The following COL6A1 variants were observed in gnomAD, a reference collection of about 807,000 sequenced individuals.
COL6A1 encodes collagen alpha-1(VI) chain.
In COL6A1, 80 loss-of-function variants were observed where a neutral mutation model predicts 145.6. The ratio of observed to expected loss-of-function variants is 0.55; its 90% CI spans 0.46 to 0.66. COL6A1 has a LOEUF of 0.66. Ranked by LOEUF, COL6A1 falls within the 30% of genes least tolerant of loss-of-function variation. The probability of loss-of-function intolerance (pLI) is 0.00; values close to 1 mark genes in which losing one functional copy is unlikely to be tolerated. For missense variants in COL6A1, 1,364 were observed against 1,473.8 expected (o/e 0.93, Z 1.22); for synonymous variants, 638 against 622.8 (o/e 1.02, Z -0.36).
intron 29 of COL6A1, 43 bp downstream of exon 29, chr21:46,000,810 G>A (rs1556430901): frequency 8.7e-6 from 14 of 1,611,814 alleles, no homozygotes; most frequent in African/African-American, 4.0e-5. Context: ...GATCCCGGGG[G>A]TCGGGGAGCG....
At chr21:45,990,955 G>A (rs759271724) in intron 14 of COL6A1, 24 bp from the exon 15 acceptor site, 28 of 1,613,202 alleles carry the variant, frequency 1.7e-5, no homozygotes, top group Admixed American at 6.7e-5. Flanking sequence ...TGCCGGTGGT[G>A]TCATGCTGCC....
In COL6A1 at chr21:46,003,841, T is replaced by C. The variant is rs1131691418; in HGVS notation, c.2915T>C (p.Val972Ala). 6.2e-7 allele frequency: 1 copy of C among 1,602,260 alleles called. No homozygotes were observed. Among genetic ancestry groups the C allele is most frequent in the Admixed American group, 1.7e-5 (1 of 59,716 alleles). The change falls in exon 35 of 35, where the codon GTG becomes GCG. Residue 972 changes from valine to alanine, a missense_variant. Physicochemically the swap from Val to Ala is moderately conservative, Grantham distance 64. Transcript: ENST00000361866. ...CGGGCAGGCATCGAGATCTTCGTGG[T>C]GGTCGTGGGCCGCCAGGTGAATGAG... ...AQRAGIEIFVVVVGRQVNEPH... is the reference protein window; with the variant it reads ...AQRAGIEIFVAVVGRQVNEPH...
chr21:45,994,805 C>T lies in COL6A1; in HGVS notation c.1398+576C>T, dbSNP rs1003563425. 6.6e-6 allele frequency among the ~76,000 whole-genome samples: 1 copy of T among 152,324 alleles called. No homozygotes were observed. Among genetic ancestry groups the T allele is most frequent in the African/African-American group, 2.4e-5 (1 of 41,578 alleles). ...ATGGTGGCTCCAGTGTGGTGTTGCC[C>T]GCAGGCTGGGCTGGGCCGTTGCATC... On this transcript the variant is annotated intron_variant, in intron 20 of 34. Coordinates refer to ENST00000361866, the MANE Select transcript of COL6A1 (RefSeq NM_001848.3). This position sits in a 1 kb window ranked among gnomAD's most constrained non-coding sequence, Gnocchi z 6.8.
At position 45,992,208 on chromosome 21, in the gene COL6A1, G is replaced by A. The variant is rs557250335; in HGVS notation, c.1227G>A (p.Ala409=). The A allele has an allele frequency of 3.7e-5, 59 of 1,613,608 alleles. No homozygotes were observed. The highest frequency in any genetic ancestry group is 2.9e-4 in the East Asian group (13 of 44,874). ...GGCCCCCCGGAGAGAAAGGAGAGGCGGGCGACGAGGTGAGTGAGGGCTCCT... is the reference window on the plus strand; with the variant it reads ...GGCCCCCCGGAGAGAAAGGAGAGGCAGGCGACGAGGTGAGTGAGGGCTCCT... ...EPGPPGEKGE[A]GDEGNPGPDG... is the part of the protein sequence containing the mutation. The change falls in exon 17 of 35, where the codon GCG becomes GCA. Residue 409 remains alanine (A), a synonymous_variant. Coordinates refer to ENST00000361866, the MANE Select transcript of COL6A1 (RefSeq NM_001848.3).
At chr21:45,984,165 C>A in intron 2 of COL6A1, 104 bp from the exon 3 acceptor site, 1 of 1,160,154 alleles carries the variant, frequency 8.6e-7, no homozygotes, top group Non-Finnish European at 1.2e-6. Flanking sequence ...CAGCCACGGC[C>A]AGGGTGGGGC....
intron 2 of COL6A1, among the ~76,000 whole-genome samples, 171 bp downstream of exon 2, chr21:45,982,934 C>T (rs1051583160): frequency 6.6e-6 from 1 of 152,178 alleles, no homozygotes; most frequent in Non-Finnish European, 1.5e-5. Context: ...GGGCCCTTTC[C>T]GGCGCCCTCC....
intron 23 of COL6A1, 41 bp downstream of exon 23, chr21:45,998,212 C>G: frequency 6.2e-7 from 1 of 1,604,614 alleles, no homozygotes; most frequent in Non-Finnish European, 8.5e-7. Flanking sequence ...CATGCCCAAG[C>G]TGCCTGCGGC....
chr21:45,985,877 G>T (rs549930426), intron 3 of COL6A1, among the ~76,000 whole-genome samples: 256 of 152,334 alleles, frequency 1.7e-3, no homozygotes, highest in African/African-American at 6.0e-3. Flanking sequence ...GAAGTCGTCC[G>T]CTGTCTGCAG....
chr21:45,992,560 C>G (rs995605212), intron 18 of COL6A1, among the ~76,000 whole-genome samples, 162 bp downstream of exon 18: 1 of 152,246 alleles, frequency 6.6e-6, no homozygotes, highest in Non-Finnish European at 1.5e-5. Flanking sequence ...TTCCCACAGT[C>G]TCAGAGCGGG....
intron 1 of COL6A1, 39 bp downstream of exon 1, chr21:45,981,986 C>T (rs766103804): frequency 1.3e-5 from 20 of 1,497,880 alleles, no homozygotes; most frequent in Non-Finnish European, 1.7e-5. Flanking sequence ...AGACCCCCCG[C>T]TCTTTGCTGC....
rs3737437 is a variant in COL6A1 at position 45,998,061 on chromosome 21, A to G, written c.1525-60A>G. 1,379,088 of 1,594,584 alleles carry G rather than the reference A, an allele frequency of 0.86. 597,453 individuals carry two copies. The highest frequency in any genetic ancestry group is 0.96 in the African/African-American group (71,444 of 74,434). ...GGTGAGGTGCTCCCGGGCCTGTGCC[A>G]GCCAGTGGGTATCCCAGGCCAGGCC... On this transcript the variant is annotated intron_variant, in intron 22 of 34. Transcript: ENST00000361866.
rs886043354 is a variant in COL6A1, at chr21:45,987,622, CCTCCGGGG to C, written c.782_789del (p.Leu261ArgfsTer5). On this transcript the variant is annotated frameshift_variant, in exon 8 of 35. Coordinates refer to ENST00000361866, the MANE Select transcript of COL6A1 (RefSeq NM_001848.3). LOFTEE classifies it high-confidence loss of function. ...CTCTGCCTTGCAGCCTGCAAGAGGACCTCCGGGGCTCCGGGGCGACCCCGGCTTTGAGG... is the reference window on the plus strand; with the variant it reads ...CTCTGCCTTGCAGCCTGCAAGAGGACCTCCGGGGCGACCCCGGCTTTGAGG... The C allele has an allele frequency of 2.5e-6, 4 of 1,611,726 alleles. No individual in the cohort carries two copies. Among genetic ancestry groups the C allele is most frequent in the South Asian group, 1.1e-5 (1 of 90,996 alleles).
intron 3 of COL6A1, among the ~76,000 whole-genome samples, chr21:45,985,313 CAG>C (rs915078363): frequency 3.4e-5 from 5 of 148,890 alleles, no homozygotes; most frequent in Non-Finnish European, 7.4e-5. Context: ...GAGAGGGAGA[CAG>C]AGAGATAGAA....
chr21:45,989,515 G>T, intron 9 of COL6A1, 93 bp from the exon 10 acceptor site: 2 of 1,326,122 alleles, frequency 1.5e-6, no homozygotes, highest in African/African-American at 2.9e-5. Context: ...GCCTGACCAG[G>T]CCTGGGCTGG....
intron 2 of COL6A1, 38 bp from the exon 3 acceptor site, chr21:45,984,231 G>A: frequency 6.4e-7 from 1 of 1,566,422 alleles, no homozygotes; most frequent in South Asian, 1.2e-5. Flanking sequence ...GGCGCCAGGG[G>A]CCGCCCGCCT....
At chr21:45,988,936 C>T in intron 8 of COL6A1, 148 bp from the exon 9 acceptor site, 1 of 885,726 alleles carries the variant, frequency 1.1e-6, no homozygotes, top group Non-Finnish European at 1.7e-6. Context: ...GCTCCCAGAC[C>T]CAGGCTGACC....
chr21:45,992,082 T>C lies in COL6A1; in HGVS notation c.1182+10T>C. 6.2e-7 allele frequency: 1 copy of C among 1,612,944 alleles called. No individual in the cohort carries two copies. On this transcript the variant is annotated intron_variant, in intron 16 of 34. Transcript: ENST00000361866. Reference sequence around the variant, plus strand: ...ACCATCTGGAGACGAGGTGAGGAGCTTCACAGCCCCCACACATGCCAGGTA... The same window carrying C: ...ACCATCTGGAGACGAGGTGAGGAGCCTCACAGCCCCCACACATGCCAGGTA...
chr21:45,987,772 CCAGATGGAGGGGACGGCGGGGG>C, intron 8 of COL6A1, 118 bp downstream of exon 8: 1 of 948,610 alleles, frequency 1.1e-6, no homozygotes, highest in South Asian at 1.8e-5. Flanking sequence ...CGGCGGGGGT[CCAGATGGAGGGGACGGCGGGGG>C]TCCAGATGGA....
intron 27 of COL6A1, 43 bp from the exon 28 acceptor site, chr21:46,000,288 G>A: frequency 6.2e-7 from 1 of 1,612,914 alleles, no homozygotes; most frequent in South Asian, 1.1e-5. Flanking sequence ...CCCGCTGGGA[G>A]GGGCTGTCTA....
Sources: gnomAD v4.1 joint callset for allele counts (sites outside exome capture counted in the v4.1 genomes callset) on GRCh38, gnomAD v4.1.1 for gene constraint, Gnocchi (gnomAD v3.1) non-coding constraint, MANE v1.5 for transcripts, NCBI Gene and HGNC (gene_info 2026-07-23, HGNC 2026-07-21) for gene names.